TEX10: variants seen among roughly 807,000 people sequenced by gnomAD.
The protein encoded by TEX10 is testis expressed 10.
TEX10 carries 24 observed loss-of-function variants against 104.4 expected under a neutral mutation model. The ratio of observed to expected loss-of-function variants is 0.23; its 90% CI spans 0.17 to 0.32. The LOEUF is 0.32. Ranked by LOEUF, TEX10 falls within the 10% of genes least tolerant of loss-of-function variation. TEX10 has a pLI of 1.00. For missense variants in TEX10, 921 were observed against 1,083.9 expected (o/e 0.85, Z 2.11); for synonymous variants, 396 against 393.4 (o/e 1.01, Z -0.08).
chr9:100,333,415 C>CA (rs1834921317), intron 5 of TEX10, among the ~76,000 whole-genome samples: 1 of 152,042 alleles, frequency 6.6e-6, no homozygotes, highest in Non-Finnish European at 1.5e-5. Flanking sequence ...CAACACAATC[C>CA]AAATCAAATT....
chr9:100,314,476 G>T (rs117343887), intron 11 of TEX10, among the ~76,000 whole-genome samples: 1 of 152,094 alleles, frequency 6.6e-6, no homozygotes, highest in Non-Finnish European at 1.5e-5. Flanking sequence ...TTGGGGAGTT[G>T]TATGTTTCCA....
chr9:100,327,759 C>A (rs778045304), intron 8 of TEX10, 28 bp downstream of exon 8: 11 of 1,523,730 alleles, frequency 7.2e-6, no homozygotes, highest in Non-Finnish European at 9.8e-6. Flanking sequence ...CAATGACTAC[C>A]CATACCATTA....
chr9:100,352,908 G>A lies in TEX10; in HGVS notation c.-146C>T. ...TGTTTTCAAATAGCCTCGTCCTCACGCGGCCGCGTCTCCTTCCGCCGCCCG... is the reference window on the plus strand; with the variant it reads ...TGTTTTCAAATAGCCTCGTCCTCACACGGCCGCGTCTCCTTCCGCCGCCCG... On this transcript the variant is annotated 5_prime_UTR_variant, in exon 1 of 15. Coordinates refer to ENST00000374902, the MANE Select transcript of TEX10 (RefSeq NM_017746.4). The A allele has an allele frequency of 1.0e-6, 1 of 990,510 alleles. No individual in the cohort carries two copies. The allele number at this position is 990,510 out of a possible 1,614,324, so 61.4% of individuals were successfully genotyped here. A position where few individuals can be genotyped will look rare whatever the true frequency, so the allele number is the denominator to read the frequency against.
At chr9:100,319,207 CACCAA>C (rs1333303687) in intron 11 of TEX10, among the ~76,000 whole-genome samples, 2 of 151,810 alleles carry the variant, frequency 1.3e-5, no homozygotes, top group African/African-American at 4.8e-5. Context: ...AAACAAAAAA[CACCAA>C]ACCAAACCCC....
chr9:100,333,636 T>TAAAAAA (rs60509628), intron 5 of TEX10, among the ~76,000 whole-genome samples: 1 of 109,762 alleles, frequency 9.1e-6, no homozygotes, highest in Non-Finnish European at 2.0e-5. Flanking sequence ...GACCCCATCA[T>TAAAAAA]AAAAAAAAAA....
Position 100,327,967 on chromosome 9 carries a change from G to T in TEX10, c.1626-5C>A. The T allele has an allele frequency of 6.5e-7, 1 of 1,533,062 alleles. No individual in the cohort carries two copies. The highest frequency in any genetic ancestry group is 8.9e-7 in the Non-Finnish European group (1 of 1,127,714). 95.0% of individuals were successfully genotyped at this position (1,533,062 alleles called of 1,614,324 possible). On this transcript the variant is annotated splice_polypyrimidine_tract_variant and splice_region_variant and intron_variant, in intron 7 of 14. Transcript: ENST00000374902. ...GATAACACTTTACTACGATATCTTAGAAAGGCCAAAGAAGAATAAAATGTA... is the reference window on the plus strand; with the variant it reads ...GATAACACTTTACTACGATATCTTATAAAGGCCAAAGAAGAATAAAATGTA...
chr9:100,350,585 G>GT (rs1301658497), intron 1 of TEX10, among the ~76,000 whole-genome samples: 61 of 152,072 alleles, frequency 4.0e-4, no homozygotes, highest in Non-Finnish European at 8.8e-5. Flanking sequence ...CTTGAATAGG[G>GT]TAAGTACCTC....
intron 8 of TEX10, 34 bp downstream of exon 8, chr9:100,327,753 G>T: frequency 6.7e-7 from 1 of 1,482,022 alleles, no homozygotes; most frequent in Non-Finnish European, 9.1e-7. Context: ...GTGGATCAAT[G>T]ACTACCCATA....
intron 5 of TEX10, 37 bp from the exon 6 acceptor site, chr9:100,330,206 G>A (rs201227965): frequency 1.5e-5 from 21 of 1,390,284 alleles, no homozygotes; most frequent in Admixed American, 1.2e-4. Flanking sequence ...AAAGCATTAC[G>A]TCTACCATGC....
chr9:100,351,853 CAT>C (rs2118951093), intron 1 of TEX10, among the ~76,000 whole-genome samples: 1 of 152,286 alleles, frequency 6.6e-6, no homozygotes, highest in East Asian at 1.9e-4. Flanking sequence ...CAAAGATTTT[CAT>C]AACACAGCAA....
At chr9:100,329,390 G>T in intron 6 of TEX10, 115 bp from the exon 7 acceptor site, 1 of 1,222,806 alleles carries the variant, frequency 8.2e-7, no homozygotes, top group Non-Finnish European at 1.1e-6. Context: ...GCCAATTTTA[G>T]CCACAAATAG....
intron 5 of TEX10, among the ~76,000 whole-genome samples, chr9:100,331,117 C>T (rs1166227169): frequency 2.0e-5 from 3 of 150,442 alleles, no homozygotes; most frequent in Non-Finnish European, 4.4e-5. Context: ...AAAAATTAGC[C>T]GGGTGTGGTG....
intron 5 of TEX10, among the ~76,000 whole-genome samples, chr9:100,334,122 T>C (rs1203407970): frequency 6.6e-6 from 1 of 152,058 alleles, no homozygotes; most frequent in African/African-American, 2.4e-5. Flanking sequence ...TCAGAAGCGA[T>C]GAAAAGACAT....
chr9:100,318,913 T>C (rs929617043), intron 11 of TEX10, among the ~76,000 whole-genome samples: 4 of 152,088 alleles, frequency 2.6e-5, no homozygotes, highest in African/African-American at 4.8e-5. Flanking sequence ...GACACCAGGC[T>C]GGGAGCAGTG....
rs1834581417 is a variant in TEX10, at chr9:100,321,886, TTAAAA to T, written c.1980-120_1980-116del. Reference sequence around the variant, plus strand: ...CTGAAAACAAGTTTGATTTAGTAGCTTAAAATAAAACCCATAGTATGCCTTGTATT... The same window carrying T: ...CTGAAAACAAGTTTGATTTAGTAGCTTAAAACCCATAGTATGCCTTGTATT... On this transcript the variant is annotated intron_variant, in intron 9 of 14. Coordinates refer to ENST00000374902, the MANE Select transcript of TEX10 (RefSeq NM_017746.4). 4 of 699,698 alleles carry T rather than the reference TTAAAA, an allele frequency of 5.7e-6. No homozygotes were observed. The South Asian group carries it at 8.0e-5, about 14-fold the overall frequency. The allele number at this position is 699,698 out of a possible 1,614,324, so 43.3% of individuals were successfully genotyped here.
rs1835142839 is a variant in TEX10, at chr9:100,340,359, A to T, written c.1148T>A (p.Leu383His). 4 of 1,554,578 alleles carry T rather than the reference A, an allele frequency of 2.6e-6. No homozygotes were observed. The highest frequency in any genetic ancestry group is 3.5e-6 in the Non-Finnish European group (4 of 1,157,374). Residue 383 changes from leucine (L) to histidine (H), a missense_variant, in exon 5 of 15, where the codon CTT becomes CAT. Physicochemically the swap from Leu to His is moderately conservative, Grantham distance 99. Transcript: ENST00000374902. ...AAAATCAATAAGGTAGTTCTTTCGA[A>T]GCCATGACTCCTATTGAAATAGCAA... ...QDETHKLESWLRKNYLIDFKH... is the reference protein window; with the variant it reads ...QDETHKLESWHRKNYLIDFKH...
intron 14 of TEX10, 152 bp downstream of exon 14, chr9:100,303,480 G>A (rs1007164893): frequency 6.9e-5 from 47 of 684,258 alleles, no homozygotes; most frequent in East Asian, 5.8e-4. Flanking sequence ...TGGACAGCAC[G>A]GGAGACCCTG....
chr9:100,336,891 GA>G (rs747713710), intron 5 of TEX10, among the ~76,000 whole-genome samples: 23 of 152,302 alleles, frequency 1.5e-4, no homozygotes, highest in African/African-American at 4.8e-4. Context: ...AATCAATCAT[GA>G]GGGGGGAATC....
At chr9:100,329,350 C>T (rs917104209) in intron 6 of TEX10, 75 bp from the exon 7 acceptor site, 8 of 1,528,332 alleles carry the variant, frequency 5.2e-6, no homozygotes, top group Middle Eastern at 1.7e-4. Context: ...CTGAATGCAC[C>T]GAAGTACTTT....
Sources: gnomAD v4.1 joint callset for allele counts (sites outside exome capture counted in the v4.1 genomes callset) on GRCh38, gnomAD v4.1.1 for gene constraint, MANE v1.5 for transcripts, NCBI Gene and HGNC (gene_info 2026-07-23, HGNC 2026-07-21) for gene names.